NALF1: variants seen among roughly 807,000 people sequenced by gnomAD.
NALF1 encodes family with sequence similarity 155 member A.
A neutral mutation model predicts 48.4 loss-of-function variants in NALF1; 3 were observed. The ratio of observed to expected loss-of-function variants is 0.06; its 90% CI spans 0.03 to 0.16. The LOEUF (loss-of-function observed/expected upper bound fraction) is 0.16, where lower values mean the gene tolerates loss of function less well. NALF1 is among the 10% of genes least tolerant of loss of function. NALF1 has a pLI of 1.00. For synonymous variants in NALF1, 262 were observed against 245.7 expected, an observed-to-expected ratio of 1.07 and a Z score of -0.62; for missense variants, 526 against 571.5, an observed-to-expected ratio of 0.92 and a Z score of 0.81.
chr13:107,683,738 G>C (rs1288805080), intron 1 of NALF1, among the ~76,000 whole-genome samples: 1 of 152,166 alleles, frequency 6.6e-6, no homozygotes, highest in Non-Finnish European at 1.5e-5. Context: ...GAGCTCTCCT[G>C]CTGGGCTCCT....
intron 1 of NALF1, among the ~76,000 whole-genome samples, chr13:107,566,449 CA>C (rs1273792194): frequency 6.6e-6 from 1 of 152,126 alleles, no homozygotes; most frequent in African/African-American, 2.4e-5. Context: ...TTAGCTCAGT[CA>C]GCCAGAAGCA....
rs1468048044 is a variant in NALF1 at position 107,163,910 on chromosome 13, A to G, written c.*6587T>C. On this transcript the variant is annotated 3_prime_UTR_variant, in exon 3 of 3. Coordinates refer to ENST00000375915, the MANE Select transcript of NALF1 (RefSeq NM_001080396.3). ...ACAAGAGAAAAAGGAAGAAAAAGAA[A>G]GCAAGAGGTTTTCTTTTAACGTCCA... 1.3e-5 allele frequency: 2 copies of G among 152,230 alleles called. No individual in the cohort carries two copies. Among genetic ancestry groups the G allele is most frequent in the Non-Finnish European group, 2.9e-5 (2 of 68,044 alleles). The allele number at this position is 152,230 out of a possible 1,614,324, so 9.4% of individuals were successfully genotyped here. A position where few individuals can be genotyped will look rare whatever the true frequency, so the allele number is the denominator to read the frequency against.
At chr13:107,172,322 T>C (rs539583218) in intron 2 of NALF1, among the ~76,000 whole-genome samples, 3 of 152,232 alleles carry the variant, frequency 2.0e-5, no homozygotes, top group Admixed American at 1.3e-4. Flanking sequence ...TACTTATCTG[T>C]CAATTTAAAA....
At chr13:107,482,679 T>C (rs548935764) in intron 1 of NALF1, among the ~76,000 whole-genome samples, 3 of 152,278 alleles carry the variant, frequency 2.0e-5, no homozygotes, top group Non-Finnish European at 2.9e-5. Context: ...TCTTGAATAG[T>C]TGTCCTGGGT....
At chr13:107,751,957 T>C (rs1876953028) in intron 1 of NALF1, among the ~76,000 whole-genome samples, 1 of 152,050 alleles carries the variant, frequency 6.6e-6, no homozygotes, top group African/African-American at 2.4e-5. Context: ...ATTTTACATA[T>C]TGCAAAGCAT....
intron 1 of NALF1, among the ~76,000 whole-genome samples, chr13:107,624,813 T>C (rs977220167): frequency 6.6e-6 from 1 of 152,194 alleles, no homozygotes; most frequent in Non-Finnish European, 1.5e-5. Context: ...TTGCTTATCT[T>C]CCTAATAAAG....
At position 107,759,900 on chromosome 13, in the gene NALF1, C is replaced by G. The variant is rs142330348; in HGVS notation, c.915+105782G>C. 4.6e-5 allele frequency among the ~76,000 whole-genome samples: 7 copies of G among 152,186 alleles called. No individual in the cohort carries two copies. In the East Asian group the frequency reaches 1.4e-3, roughly 29 times the overall value. ...GGGAATGAAGAGCCCATCAAGACAG[C>G]ACCTTGTTCTTCAGGGTACGTGAAA... is the stretch of plus-strand genomic sequence containing the variant. On this transcript the variant is annotated intron_variant, in intron 1 of 2. Coordinates refer to ENST00000375915, the MANE Select transcript of NALF1 (RefSeq NM_001080396.3).
Position 107,544,528 on chromosome 13 carries a change from T to C in NALF1, c.915+321154A>G, listed in dbSNP as rs1263033599. Among the ~76,000 whole-genome samples the C allele has an allele frequency of 3.3e-5, 5 of 152,148 alleles. No homozygotes were observed. In the South Asian group the frequency reaches 1.0e-3, roughly 32 times the overall value. On this transcript the variant is annotated intron_variant, in intron 1 of 2. Transcript: ENST00000375915. ...CAATTTCTGAAGTCAGAATTCTAGT[T>C]CCATCTAAACCATTTTTGCTGCTAA...
At chr13:107,646,527 C>T (rs1352672466) in intron 1 of NALF1, among the ~76,000 whole-genome samples, 2 of 152,072 alleles carry the variant, frequency 1.3e-5, no homozygotes, top group African/African-American at 2.4e-5. Flanking sequence ...ACAGGTAAAA[C>T]GACCAGTGAC....
intron 1 of NALF1, among the ~76,000 whole-genome samples, chr13:107,552,120 A>G (rs1166666012): frequency 2.0e-5 from 3 of 152,122 alleles, no homozygotes; most frequent in Non-Finnish European, 4.4e-5. Flanking sequence ...AAATAGACCA[A>G]TATCTTCAAG....
rs191645732 is a variant in NALF1, at chr13:107,551,807, A to C, written c.915+313875T>G. Among the ~76,000 whole-genome samples, 296 of 152,278 alleles carry C rather than the reference A, an allele frequency of 1.9e-3. 2 individuals are homozygous for C. Among genetic ancestry groups the C allele is most frequent in the Non-Finnish European group, 3.3e-3 (227 of 67,990 alleles). Reference sequence around the variant, plus strand: ...CTGTTCTACTTATTTCTGTTAAAGTATGAATATGTTTCTAACAAGGTTATT... The same window carrying C: ...CTGTTCTACTTATTTCTGTTAAAGTCTGAATATGTTTCTAACAAGGTTATT... On this transcript the variant is annotated intron_variant, in intron 1 of 2. Transcript: ENST00000375915.
intron 1 of NALF1, among the ~76,000 whole-genome samples, chr13:107,642,606 C>T (rs979129330): frequency 6.6e-6 from 1 of 152,114 alleles, no homozygotes; most frequent in African/African-American, 2.4e-5. Context: ...AGTCAAATTT[C>T]TATTTATCTA....
In NALF1 at chr13:107,783,004, C is replaced by T. The variant is rs1408077896; in HGVS notation, c.915+82678G>A. 3.5e-5 allele frequency among the ~76,000 whole-genome samples: 5 copies of T among 144,446 alleles called. No homozygotes were observed. The East Asian group carries it at 6.4e-4, about 19-fold the overall frequency. The allele number at this position is 144,446 out of a possible 152,430, so 94.8% of individuals were successfully genotyped here. A position where few individuals can be genotyped will look rare whatever the true frequency, so the allele number is the denominator to read the frequency against. ...CCCCCGCCCGGCCAGCCGCCCCGTC[C>T]GGGAGGGAGGTGGGGGGTCAGCCCC... On this transcript the variant is annotated intron_variant, in intron 1 of 2. Transcript: ENST00000375915.
chr13:107,766,314 G>C (rs142479801), intron 1 of NALF1, among the ~76,000 whole-genome samples: 1 of 152,258 alleles, frequency 6.6e-6, no homozygotes, highest in African/African-American at 2.4e-5. Flanking sequence ...TAGCAGCTGC[G>C]TGAGAAATGC....
intron 1 of NALF1, among the ~76,000 whole-genome samples, chr13:107,634,137 A>T (rs1323538726): frequency 6.6e-6 from 1 of 152,104 alleles, no homozygotes; most frequent in Non-Finnish European, 1.5e-5. Flanking sequence ...ACATCAACTG[A>T]TTAATCAACA....
intron 1 of NALF1, among the ~76,000 whole-genome samples, chr13:107,360,859 CCT>C (rs1395733276): frequency 1.3e-5 from 2 of 151,786 alleles, no homozygotes; most frequent in Non-Finnish European, 2.9e-5. Flanking sequence ...TTCCCTCCTC[CCT>C]CTCTCTCTTA....
chr13:107,603,023 T>C (rs998858101), intron 1 of NALF1, among the ~76,000 whole-genome samples: 1 of 152,236 alleles, frequency 6.6e-6, no homozygotes, highest in Non-Finnish European at 1.5e-5. Flanking sequence ...GTCATGTCTA[T>C]AAAAGGAACT....
intron 1 of NALF1, among the ~76,000 whole-genome samples, chr13:107,535,565 C>A (rs926641023): frequency 2.0e-5 from 3 of 151,920 alleles, no homozygotes; most frequent in Non-Finnish European, 4.4e-5. Context: ...CACTGCTCAA[C>A]AAAATAAAAG....
At chr13:107,363,854 T>A (rs1368300621) in intron 1 of NALF1, among the ~76,000 whole-genome samples, 2 of 152,196 alleles carry the variant, frequency 1.3e-5, no homozygotes, top group African/African-American at 4.8e-5. Flanking sequence ...TCATGTTGTG[T>A]TTTCTAACCT....
Sources: allele counts gnomAD v4.1 joint callset (sites outside exome capture counted in the v4.1 genomes callset), GRCh38; gene constraint gnomAD v4.1.1; transcripts MANE v1.5; gene names NCBI Gene and HGNC (gene_info 2026-07-23, HGNC 2026-07-21).